TMEM192: variants seen among roughly 807,000 people sequenced by gnomAD.
TMEM192 encodes the protein transmembrane protein 192.
In TMEM192, 20 loss-of-function variants were observed where a neutral mutation model predicts 26.7. The observed-to-expected ratio is 0.75, with a 90% CI of 0.53 to 1.09. TMEM192 has a LOEUF of 1.09. Among genes scored for constraint, TMEM192 ranks in the 50% least tolerant of loss-of-function variants. The pLI is 0.00. For missense variants in TMEM192, 304 were observed against 322.6 expected (o/e 0.94, Z 0.44); for synonymous variants, 124 against 121.0 (o/e 1.02, Z -0.16).
chr4:165,112,558 G>T (rs1441374247), intron 1 of TMEM192, among the ~76,000 whole-genome samples, 189 bp downstream of exon 1: 1 of 152,166 alleles, frequency 6.6e-6, no homozygotes, highest in Non-Finnish European at 1.5e-5. Context: ...AACGTGTCGC[G>T]GATCCCACAG....
intron 2 of TMEM192, among the ~76,000 whole-genome samples, chr4:165,102,481 T>C (rs1034392491): frequency 3.9e-5 from 6 of 152,164 alleles, no homozygotes; most frequent in Non-Finnish European, 8.8e-5. Flanking sequence ...AACTCCCTTT[T>C]AAAAACTGCA....
chr4:165,088,756 A>G (rs924133766), intron 3 of TMEM192, among the ~76,000 whole-genome samples, 154 bp from the exon 4 acceptor site: 3 of 152,142 alleles, frequency 2.0e-5, no homozygotes, highest in Admixed American at 1.3e-4. Context: ...ATGAAGACCC[A>G]GGCCAGGTGC....
chr4:165,094,982 A>C (rs868156707), intron 3 of TMEM192, among the ~76,000 whole-genome samples: 1 of 152,074 alleles, frequency 6.6e-6, no homozygotes, highest in Non-Finnish European at 1.5e-5. Context: ...CTCAAAAAAA[A>C]AAAAAAGATT....
In TMEM192 at chr4:165,075,701, C is replaced by T. The variant is rs1051786771; in HGVS notation, c.*3957G>A. On this transcript the variant is annotated 3_prime_UTR_variant, in exon 6 of 6. Coordinates refer to ENST00000306480, the MANE Select transcript of TMEM192 (RefSeq NM_001100389.2). ...TCTCCTGCCTTAGCCTCCAGAGTAG[C>T]TGGGATTACAGGCACCCTGCACCAC... 1.3e-5 allele frequency: 2 copies of T among 151,156 alleles called. No homozygotes were observed. The highest frequency in any genetic ancestry group is 2.4e-5 in the African/African-American group (1 of 41,114). The allele number at this position is 151,156 out of a possible 1,614,324, so 9.4% of individuals were successfully genotyped here.
intron 3 of TMEM192, among the ~76,000 whole-genome samples, chr4:165,099,493 A>C (rs1300446149): frequency 6.6e-6 from 1 of 152,224 alleles, no homozygotes; most frequent in Non-Finnish European, 1.5e-5. Flanking sequence ...ATGCATTCTA[A>C]GTCTCATGTG....
intron 1 of TMEM192, among the ~76,000 whole-genome samples, chr4:165,108,357 G>A (rs1335327047): frequency 6.6e-6 from 1 of 151,906 alleles, no homozygotes; most frequent in Non-Finnish European, 1.5e-5. Context: ...TCCTGACCTC[G>A]TGATCCGCTC....
chr4:165,097,831 G>T (rs917156312), intron 3 of TMEM192, among the ~76,000 whole-genome samples: 6 of 151,348 alleles, frequency 4.0e-5, no homozygotes, highest in African/African-American at 1.2e-4. Flanking sequence ...TTTTGAAATA[G>T]AGATTTATTT....
chr4:165,090,739 C>G (rs1734738935), intron 3 of TMEM192, among the ~76,000 whole-genome samples: 1 of 151,318 alleles, frequency 6.6e-6, no homozygotes, highest in Non-Finnish European at 1.5e-5. Flanking sequence ...ACCCTGTCTC[C>G]ACTAAAAATA....
intron 2 of TMEM192, among the ~76,000 whole-genome samples, chr4:165,102,307 G>A (rs977610136): frequency 6.6e-6 from 1 of 151,984 alleles, no homozygotes; most frequent in Non-Finnish European, 1.5e-5. Context: ...AGTAATACAA[G>A]CACATGGTTA....
At position 165,100,818 on chromosome 4, in the gene TMEM192, TG is replaced by T; in HGVS notation, c.248del (p.Pro83GlnfsTer8). ...SYPNPNEDKC[P>X]GNYTNPLKVQ... Reference sequence around the variant, plus strand: ...CTTTCAATGGGTTTGTGTAATTTCCTGGGCACTTGTCCTCATTTGGATTAGG... The same window carrying T: ...CTTTCAATGGGTTTGTGTAATTTCCTGGCACTTGTCCTCATTTGGATTAGG... On this transcript the variant is annotated frameshift_variant, in exon 3 of 6. Coordinates refer to ENST00000306480, the MANE Select transcript of TMEM192 (RefSeq NM_001100389.2). LOFTEE classifies it high-confidence loss of function. 6.2e-7 allele frequency: 1 copy of T among 1,614,156 alleles called. No individual in the cohort carries two copies. The highest frequency in any genetic ancestry group is 8.5e-7 in the Non-Finnish European group (1 of 1,180,026).
At chr4:165,110,659 C>T (rs1483525605) in intron 1 of TMEM192, among the ~76,000 whole-genome samples, 3 of 152,156 alleles carry the variant, frequency 2.0e-5, no homozygotes, top group Admixed American at 6.6e-5. Context: ...GAGCCGAGAT[C>T]GTACCATTGC....
chr4:165,097,114 A>G (rs1310430922), intron 3 of TMEM192, among the ~76,000 whole-genome samples: 1 of 152,122 alleles, frequency 6.6e-6, no homozygotes, highest in African/African-American at 2.4e-5. Flanking sequence ...CAACTCTATA[A>G]ACTGCTTCAC....
chr4:165,100,660 A>C lies in TMEM192; in HGVS notation c.407T>G (p.Leu136Arg). The change falls in exon 3 of 6, where the codon CTC becomes CGC. Residue 136 changes from leucine (L) to arginine (R), a missense_variant. By Grantham distance (102) the Leu-to-Arg change is moderately radical (BLOSUM62 -2). Transcript: ENST00000306480. Reference sequence around the variant, plus strand: ...CTGTATCATCAACGCAAGTCTCTTGAGATGCCTTGTTGATCGGTAGATCAA... The same window carrying C: ...CTGTATCATCAACGCAAGTCTCTTGCGATGCCTTGTTGATCGGTAGATCAA... ...YNLIYRSTRH[L>R]KRLALMIQSS... The C allele has an allele frequency of 6.2e-7, 1 of 1,614,182 alleles. No individual in the cohort carries two copies. The highest frequency in any genetic ancestry group is 8.5e-7 in the Non-Finnish European group (1 of 1,180,036).
chr4:165,111,225 C>T (rs148615566), intron 1 of TMEM192, among the ~76,000 whole-genome samples: 2 of 152,264 alleles, frequency 1.3e-5, no homozygotes, highest in East Asian at 1.9e-4. Flanking sequence ...TCCCCAGTAT[C>T]TGGGATTACA....
At chr4:165,089,246 C>A (rs1204978593) in intron 3 of TMEM192, among the ~76,000 whole-genome samples, 1 of 151,610 alleles carries the variant, frequency 6.6e-6, no homozygotes, top group Non-Finnish European at 1.5e-5. Context: ...GACTCCTCAC[C>A]CCCAACCCTC....
chr4:165,078,135 G>T lies in TMEM192; in HGVS notation c.*1523C>A, dbSNP rs1734431802. ...GCAATGGCTGTATCTAAAAGAAACA[G>T]GTATTTGCCCTCCATAAGTCAAATA... On this transcript the variant is annotated 3_prime_UTR_variant, in exon 6 of 6. Transcript: ENST00000306480. The T allele has an allele frequency of 6.6e-6, 1 of 152,018 alleles. No individual in the cohort carries two copies. Among genetic ancestry groups the T allele is most frequent in the African/African-American group, 2.4e-5 (1 of 41,406 alleles). 9.4% of individuals were successfully genotyped at this position (152,018 alleles called of 1,614,324 possible). A position where few individuals can be genotyped will look rare whatever the true frequency, so the allele number is the denominator to read the frequency against.
chr4:165,097,110 T>C (rs1734925575), intron 3 of TMEM192, among the ~76,000 whole-genome samples: 1 of 152,158 alleles, frequency 6.6e-6, no homozygotes, highest in Non-Finnish European at 1.5e-5. Context: ...CACCCAACTC[T>C]ATAAACTGCT....
chr4:165,080,155 T>A (rs940938154), intron 5 of TMEM192, among the ~76,000 whole-genome samples: 3 of 152,162 alleles, frequency 2.0e-5, no homozygotes, highest in African/African-American at 7.2e-5. Flanking sequence ...AATAATCAGA[T>A]GACGATTAAA....
In TMEM192 at chr4:165,082,892, C is replaced by T. The variant is rs1215286093; in HGVS notation, c.677+2694G>A. Among the ~76,000 whole-genome samples the T allele has an allele frequency of 7.9e-5, 3 of 38,136 alleles. 1 individual carries two copies. Among genetic ancestry groups the T allele is most frequent in the Admixed American group, 7.0e-4 (2 of 2,844 alleles). The allele number at this position is 38,136 out of a possible 152,430, so 25.0% of individuals were successfully genotyped here. A position where few individuals can be genotyped will look rare whatever the true frequency, so the allele number is the denominator to read the frequency against. Reference sequence around the variant, plus strand: ...CTGGGATTACAGGTGCGCACCACCACGCCCGGCTAATTTTTGTATACTCAG... The same window carrying T: ...CTGGGATTACAGGTGCGCACCACCATGCCCGGCTAATTTTTGTATACTCAG... On this transcript the variant is annotated intron_variant, in intron 5 of 5. Coordinates refer to ENST00000306480, the MANE Select transcript of TMEM192 (RefSeq NM_001100389.2).
Sources: gnomAD v4.1 joint callset for allele counts (sites outside exome capture counted in the v4.1 genomes callset) on GRCh38, gnomAD v4.1.1 for gene constraint, MANE v1.5 for transcripts, NCBI Gene and HGNC (gene_info 2026-07-23, HGNC 2026-07-21) for gene names.